The following SPAG5 variants were observed in gnomAD, a reference collection of about 807,000 sequenced individuals.
The protein encoded by SPAG5 is sperm-associated antigen 5.
Under a neutral mutation model 145.4 loss-of-function variants are expected in SPAG5, and 99 were observed. That is an observed-to-expected ratio of 0.68 (90% CI 0.58 to 0.80). The LOEUF is 0.80. Among genes scored for constraint, SPAG5 ranks in the 30% least tolerant of loss-of-function variants. The pLI, the probability that SPAG5 is intolerant of heterozygous loss-of-function variation, is 0.00. For missense variants in SPAG5, 1,192 were observed against 1,416.0 expected, an observed-to-expected ratio of 0.84 and a Z score of 2.54; for synonymous variants, 477 against 525.4, an observed-to-expected ratio of 0.91 and a Z score of 1.26.
At position 28,586,506 on chromosome 17, in the gene SPAG5, A is replaced by G. The variant is rs762100381; in HGVS notation, c.1438-7T>C. The G allele has an allele frequency of 1.2e-6, 2 of 1,607,540 alleles. No homozygotes were observed. The highest frequency in any genetic ancestry group is 3.3e-5 in the Admixed American group (2 of 59,996). On this transcript the variant is annotated splice_region_variant and splice_polypyrimidine_tract_variant and intron_variant, in intron 4 of 23. Transcript: ENST00000321765. Reference sequence around the variant, plus strand: ...GCTGAAGTTTATTAGTTATCTAGCCAGAAAAACAGAGTTGTTCCTTGTTTT... The same window carrying G: ...GCTGAAGTTTATTAGTTATCTAGCCGGAAAAACAGAGTTGTTCCTTGTTTT...
In SPAG5 at chr17:28,593,015, C is replaced by T; in HGVS notation, c.229G>A (p.Asp77Asn). Residue 77 changes from aspartate to asparagine, a missense_variant, in exon 3 of 24, where the codon GAC (aspartate) becomes AAC (asparagine). By Grantham distance (23) the Asp-to-Asn change is conservative. Transcript: ENST00000321765. ...PVDFVNNKRT[D>N]LSSEHFSHSS... Reference sequence around the variant, plus strand: ...TGACTGAAATGTTCTGAAGATAAGTCTGTCCTCTTGTTATTTACAAAATCC... The same window carrying T: ...TGACTGAAATGTTCTGAAGATAAGTTTGTCCTCTTGTTATTTACAAAATCC... The T allele has an allele frequency of 6.2e-7, 1 of 1,614,200 alleles. No individual in the cohort carries two copies. The highest frequency in any genetic ancestry group is 8.5e-7 in the Non-Finnish European group (1 of 1,180,036).
In SPAG5 at chr17:28,579,326, C is replaced by T. The variant is rs112610194; in HGVS notation, c.3005+39G>A. On this transcript the variant is annotated intron_variant, in intron 18 of 23. Transcript: ENST00000321765. ...TTGGACCCTTGGCATAAGAGGATGTCTCACTGTCCCTCTGTCACCAAAACT... is the reference window on the plus strand; with the variant it reads ...TTGGACCCTTGGCATAAGAGGATGTTTCACTGTCCCTCTGTCACCAAAACT... The T allele has an allele frequency of 1.6e-4, 258 of 1,613,694 alleles. No homozygotes were observed. The African/African-American group carries it at 2.9e-3, about 18-fold the overall frequency.
At chr17:28,596,539 G>A (rs866042946) in intron 2 of SPAG5, among the ~76,000 whole-genome samples, 44 of 151,102 alleles carry the variant, frequency 2.9e-4, no homozygotes, top group African/African-American at 1.0e-3. Flanking sequence ...ATGGTGGCAC[G>A]TGCCTATAAT....
At chr17:28,587,087 A>C (rs1437231806) in intron 4 of SPAG5, among the ~76,000 whole-genome samples, 1 of 152,074 alleles carries the variant, frequency 6.6e-6, no homozygotes, top group Non-Finnish European at 1.5e-5. Context: ...AATGAAGCCA[A>C]GTCAGAAAGA....
chr17:28,586,247 G>A, intron 5 of SPAG5, 65 bp from the exon 6 acceptor site: 1 of 1,428,784 alleles, frequency 7.0e-7, no homozygotes. Flanking sequence ...AGGGGCACTG[G>A]GGAGGAAAAC....
chr17:28,582,993 C>G (rs756181865), intron 15 of SPAG5, among the ~76,000 whole-genome samples: 1 of 152,152 alleles, frequency 6.6e-6, no homozygotes, highest in African/African-American at 2.4e-5. Context: ...AAGGGTTTCA[C>G]TCTCACCCAG....
At chr17:28,588,412 G>C (rs2070599579) in intron 4 of SPAG5, among the ~76,000 whole-genome samples, 1 of 152,174 alleles carries the variant, frequency 6.6e-6, no homozygotes. Context: ...AAGAACAAGA[G>C]GAAAGGACAC....
At chr17:28,585,721 T>C (rs971019533) in intron 7 of SPAG5, 68 bp from the exon 8 acceptor site, 2 of 1,610,386 alleles carry the variant, frequency 1.2e-6, no homozygotes, top group African/African-American at 1.3e-5. Context: ...GATGTAACCA[T>C]GACACCTCAA....
intron 2 of SPAG5, among the ~76,000 whole-genome samples, chr17:28,594,357 A>T (rs900426347): frequency 6.6e-6 from 1 of 152,352 alleles, no homozygotes; most frequent in African/African-American, 2.4e-5. Flanking sequence ...GCACTTTGGG[A>T]GGCTGAGGCG....
chr17:28,596,067 G>C (rs78943617), intron 2 of SPAG5, among the ~76,000 whole-genome samples: 1 of 150,954 alleles, frequency 6.6e-6, no homozygotes, highest in African/African-American at 2.4e-5. Flanking sequence ...TCTGCCAGGC[G>C]TGGTGGCACA....
At position 28,579,485 on chromosome 17, in the gene SPAG5, T is replaced by C; in HGVS notation, c.2885A>G (p.Glu962Gly). The part of the protein sequence containing the change: ...VASMVSLQPA[E>G]TPGMEESLAE... ...CAGGCTCTCCTCCATGCCTGGGGTC[T>C]CTGAAAGAGAAAGTCCCAGATAGAG... The change falls in exon 18 of 24, where the codon GAG (glutamate) becomes GGG (glycine). Residue 962 changes from glutamate (E) to glycine (G), a missense_variant and splice_region_variant. Physicochemically the swap from Glu to Gly is moderately conservative, Grantham distance 98. Transcript: ENST00000321765. The C allele has an allele frequency of 1.9e-6, 3 of 1,613,448 alleles. No homozygotes were observed. The highest frequency in any genetic ancestry group is 2.5e-6 in the Non-Finnish European group (3 of 1,179,744).
chr17:28,585,756 G>A, intron 7 of SPAG5, 103 bp from the exon 8 acceptor site: 1 of 1,604,766 alleles, frequency 6.2e-7, no homozygotes, highest in Non-Finnish European at 8.5e-7. Flanking sequence ...ACTGCCCAGG[G>A]CAGGCAGTTC....
chr17:28,585,179 G>C lies in SPAG5; in HGVS notation c.1990C>G (p.Gln664Glu). 1 of 1,614,198 alleles carries C rather than the reference G, an allele frequency of 6.2e-7. No individual in the cohort carries two copies. Among genetic ancestry groups the C allele is most frequent in the Non-Finnish European group, 8.5e-7 (1 of 1,180,030 alleles). Reference protein sequence around the residue: ...TWTALLSRSRQLTEKLTVKSQ... With the variant: ...TWTALLSRSRELTEKLTVKSQ... ...TTGACTGTGAGTTTCTCTGTGAGTT[G>C]TCGGGACCGACTCAGCAAAGCTGTC... Residue 664 changes from glutamine (Q) to glutamate (E), a missense_variant, in exon 10 of 24, where the codon CAA (glutamine) becomes GAA (glutamate). This residue lies in a region of SPAG5 where 709 missense variants were observed against 840.7 expected (regional missense o/e 0.84). Coordinates refer to ENST00000321765, the MANE Select transcript of SPAG5 (RefSeq NM_006461.4).
chr17:28,580,347 C>A (rs2070541976), intron 15 of SPAG5: 3 of 300,488 alleles, frequency 1.0e-5, no homozygotes, highest in Non-Finnish European at 1.8e-5. Flanking sequence ...AAACAAAACC[C>A]TTCTTCTTAC....
chr17:28,592,559 G>T lies in SPAG5; in HGVS notation c.685C>A (p.Arg229Ser). ...CTTTCAGAAGGTACTAAGTCCTCAC[G>T]CACAGCCTCAGTTCTACTGCTCAGG... ...ESLSSRTEAV[R>S]EDLVPSESNA... Residue 229 changes from arginine (R) to serine (S), a missense_variant, in exon 3 of 24, where the codon CGT (arginine) becomes AGT (serine). Physicochemically the swap from Arg to Ser is moderately radical, Grantham distance 110. Transcript: ENST00000321765. 1 of 1,614,192 alleles carries T rather than the reference G, an allele frequency of 6.2e-7. No individual in the cohort carries two copies. Among genetic ancestry groups the T allele is most frequent in the Non-Finnish European group, 8.5e-7 (1 of 1,180,030 alleles).
In SPAG5 at chr17:28,592,957, T is replaced by A. The variant is rs1220607692; in HGVS notation, c.287A>T (p.Glu96Val). Residue 96 changes from glutamate (E) to valine (V), a missense_variant, in exon 3 of 24, where the codon GAA becomes GTA. Physicochemically the swap from Glu to Val is moderately radical, Grantham distance 121. Around this residue, in one of 5 missense-constraint regions of SPAG5, gnomAD observed 329 missense variants for 354.0 expected, o/e 0.93. Coordinates refer to ENST00000321765, the MANE Select transcript of SPAG5 (RefSeq NM_006461.4). ...TGGATCTAGAGGCTGCTCATCTGAT[T>A]CATGCTGACAAGTTTCTAGCCACTT... ...SSKWLETCQH[E>V]SDEQPLDPIP... 1.2e-6 allele frequency: 2 copies of A among 1,614,228 alleles called. No homozygotes were observed. The highest frequency in any genetic ancestry group is 2.2e-5 in the South Asian group (2 of 91,086).
chr17:28,578,387 A>T lies in SPAG5; in HGVS notation c.3340T>A (p.Trp1114Arg). Residue 1114 changes from tryptophan (W) to arginine (R), a missense_variant, in exon 21 of 24, where the codon TGG becomes AGG. Around this residue, in one of 5 missense-constraint regions of SPAG5, gnomAD observed 709 missense variants for 840.7 expected, o/e 0.84. Coordinates refer to ENST00000321765, the MANE Select transcript of SPAG5 (RefSeq NM_006461.4). ...CTCTGAGTCACCTCCTGAGAGAGCC[A>T]CACTTTCTCCTGGATCCAATTGGTG... ...MATNWIQEKVWLSQEVDKLRV... is the reference protein window; with the variant it reads ...MATNWIQEKVRLSQEVDKLRV... The T allele has an allele frequency of 6.2e-7, 1 of 1,614,182 alleles. No individual in the cohort carries two copies. The highest frequency in any genetic ancestry group is 8.5e-7 in the Non-Finnish European group (1 of 1,180,012).
rs776454837 is a variant in SPAG5 at position 28,592,436 on chromosome 17, C to G, written c.808G>C (p.Val270Leu). 6.2e-7 allele frequency: 1 copy of G among 1,613,648 alleles called. No homozygotes were observed. The highest frequency in any genetic ancestry group is 8.5e-7 in the Non-Finnish European group (1 of 1,180,046). Residue 270 changes from valine to leucine, a missense_variant, in exon 3 of 24, where the codon GTA becomes CTA. Val to Leu is a conservative substitution (Grantham distance 32). Transcript: ENST00000321765. ...VNHVDPEEEI[V>L]EHGAMEEREM... The stretch of plus-strand genomic sequence containing the variant: ...CTTTCCTCCATAGCTCCATGCTCTA[C>G]AATTTCCTCCTCTGGGTCCACATGA...
chr17:28,593,545 T>G (rs1484834328), intron 2 of SPAG5, among the ~76,000 whole-genome samples: 1 of 151,934 alleles, frequency 6.6e-6, no homozygotes, highest in East Asian at 1.9e-4. Context: ...AGTTCAAACC[T>G]CATCTCTACT....
Sources: gnomAD v4.1 joint callset for allele counts (sites outside exome capture counted in the v4.1 genomes callset) on GRCh38, gnomAD v4.1.1 for gene constraint, gnomAD v4.1.1 regional missense constraint, MANE v1.5 for transcripts, NCBI Gene and HGNC (gene_info 2026-07-23, HGNC 2026-07-21) for gene names.